ALOX5AP: variants seen among roughly 807,000 people sequenced by gnomAD.
ALOX5AP encodes the protein arachidonate 5-lipoxygenase-activating protein.
ALOX5AP carries 9 observed loss-of-function variants against 18.5 expected under a neutral mutation model. That is an observed-to-expected ratio of 0.49 (90% CI 0.29 to 0.85). The LOEUF (loss-of-function observed/expected upper bound fraction) is 0.85, where lower values mean the gene tolerates loss of function less well. Ranked by LOEUF, ALOX5AP falls within the 40% of genes least tolerant of loss-of-function variation. ALOX5AP has a pLI of 0.08. For synonymous variants in ALOX5AP, 81 were observed against 78.6 expected (o/e 1.03, Z -0.16); for missense variants, 172 against 202.5 (o/e 0.85, Z 0.91).
At chr13:30,716,133 G>C (rs893292439) in intron 1 of ALOX5AP, among the ~76,000 whole-genome samples, 5 of 152,178 alleles carry the variant, frequency 3.3e-5, no homozygotes, top group East Asian at 1.9e-4. Context: ...TGTCAGTCTT[G>C]TTTTTCTTAT....
chr13:30,736,891 GTA>G (rs1351417641), intron 1 of ALOX5AP, among the ~76,000 whole-genome samples: 1 of 152,240 alleles, frequency 6.6e-6, no homozygotes, highest in Admixed American at 6.5e-5. Context: ...CCTTGGCCCT[GTA>G]AATTGGCAAG....
At chr13:30,725,461 T>C (rs1285138464) in intron 1 of ALOX5AP, among the ~76,000 whole-genome samples, 1 of 152,216 alleles carries the variant, frequency 6.6e-6, no homozygotes, top group African/African-American at 2.4e-5. Context: ...CAGGGCTATG[T>C]ATGGACACAG....
intron 4 of ALOX5AP, among the ~76,000 whole-genome samples, chr13:30,756,314 C>A (rs574346713): frequency 4.6e-4 from 70 of 152,300 alleles, no homozygotes; most frequent in African/African-American, 1.7e-3. Flanking sequence ...TGCAGCCCCA[C>A]ACCCTGCACT....
upstream of ALOX5AP, among the ~76,000 whole-genome samples, chr13:30,733,573 T>C (rs543279935): frequency 6.6e-6 from 1 of 152,378 alleles, no homozygotes; most frequent in African/African-American, 2.4e-5. Context: ...TAGTTAATTT[T>C]ATGTCAAATT....
chr13:30,750,559 G>C (rs1951844390), intron 2 of ALOX5AP, among the ~76,000 whole-genome samples: 1 of 152,180 alleles, frequency 6.6e-6, no homozygotes, highest in South Asian at 2.1e-4. Context: ...CCACTCCCTA[G>C]CTGGATGACC....
intron 1 of ALOX5AP, 28 bp from the exon 2 acceptor site, chr13:30,744,032 A>G (rs780477456): frequency 1.1e-5 from 17 of 1,593,608 alleles, no homozygotes; most frequent in Non-Finnish European, 1.5e-5. Flanking sequence ...CCCACAATGA[A>G]CCAGATGCAA....
upstream of ALOX5AP, among the ~76,000 whole-genome samples, chr13:30,732,147 G>T (rs540193265): frequency 2.0e-5 from 3 of 152,226 alleles, no homozygotes; most frequent in Non-Finnish European, 4.4e-5. Context: ...GGCTGGGGGT[G>T]ACTCCAAGGA....
At chr13:30,737,549 C>T (rs1951731036) in intron 1 of ALOX5AP, among the ~76,000 whole-genome samples, 1 of 152,116 alleles carries the variant, frequency 6.6e-6, no homozygotes, top group African/African-American at 2.4e-5. Flanking sequence ...TTTTACAGAC[C>T]ACAGGGCACA....
chr13:30,713,686 T>A, exon 1 of ALOX5AP: 1 of 1,374,636 alleles, frequency 7.3e-7, no homozygotes, highest in East Asian at 2.5e-5. Context: ...TAGAACTGAC[T>A]TCACTGTGAA....
chr13:30,736,970 C>T (rs1951726954), intron 1 of ALOX5AP, among the ~76,000 whole-genome samples: 1 of 152,172 alleles, frequency 6.6e-6, no homozygotes, highest in Admixed American at 6.5e-5. Flanking sequence ...ATTCTGGGTA[C>T]AGGCGGATAG....
Position 30,752,133 on chromosome 13 carries a change from C to T in ALOX5AP, c.241+11C>T, listed in dbSNP as rs1951857149. 6.2e-7 allele frequency: 1 copy of T among 1,613,112 alleles called. No homozygotes were observed. Among genetic ancestry groups the T allele is most frequent in the Admixed American group, 1.7e-5 (1 of 60,006 alleles). On this transcript the variant is annotated intron_variant, in intron 3 of 4. Transcript: ENST00000380490. ...TACTTTGCAGCCAAGGTAACTCAGA[C>T]TTCCCTTTGTTCATTCTCCTTCTAT...
intron 1 of ALOX5AP, among the ~76,000 whole-genome samples, chr13:30,739,693 C>A (rs575802621): frequency 6.6e-6 from 1 of 152,328 alleles, no homozygotes; most frequent in African/African-American, 2.4e-5. Flanking sequence ...CCTCGACCTC[C>A]CAAAGTGCTG....
rs954004498 is a variant in ALOX5AP, at chr13:30,739,913, C to G, written c.71-4147C>G. The stretch of plus-strand genomic sequence containing the variant: ...TTCATTCATTCAAGCACTCCCTGCT[C>G]AAGAAGTTCTTTCTTATGTTGAGCT... On this transcript the variant is annotated intron_variant, in intron 1 of 4. Coordinates refer to ENST00000380490, the MANE Select transcript of ALOX5AP (RefSeq NM_001629.4). 2.6e-5 allele frequency among the ~76,000 whole-genome samples: 4 copies of G among 152,220 alleles called. No homozygotes were observed. In the South Asian group the frequency reaches 6.2e-4, roughly 24 times the overall value.
chr13:30,738,387 CA>C (rs1233703514), intron 1 of ALOX5AP, among the ~76,000 whole-genome samples: 1 of 152,206 alleles, frequency 6.6e-6, no homozygotes, highest in Non-Finnish European at 1.5e-5. Flanking sequence ...CCAGAACTAT[CA>C]AAACTTGGTT....
intron 1 of ALOX5AP, among the ~76,000 whole-genome samples, chr13:30,722,437 C>T (rs1951601502): frequency 6.6e-6 from 1 of 152,070 alleles, no homozygotes; most frequent in Non-Finnish European, 1.5e-5. Flanking sequence ...TGTTTATATG[C>T]AAAAGAACTT....
At chr13:30,738,913 G>A (rs573990676) in intron 1 of ALOX5AP, among the ~76,000 whole-genome samples, 1 of 151,990 alleles carries the variant, frequency 6.6e-6, no homozygotes, top group South Asian at 2.1e-4. Flanking sequence ...AAATGGAGCT[G>A]CTGTTACTAG....
Position 30,763,942 on chromosome 13 carries a change from AG to A in ALOX5AP, c.324-1del. On this transcript the variant is annotated splice_acceptor_variant, in intron 4 of 4. Transcript: ENST00000380490. LOFTEE classifies it high-confidence loss of function. The stretch of plus-strand genomic sequence containing the variant: ...ACAGTTTTCTTTTTCCTTCTCTTCC[AG>A]CACCCCTGGCTACATATTTGGGAAA... The A allele has an allele frequency of 6.2e-7, 1 of 1,610,814 alleles. No individual in the cohort carries two copies. Among genetic ancestry groups the A allele is most frequent in the Non-Finnish European group, 8.5e-7 (1 of 1,179,038 alleles).
chr13:30,732,920 C>T (rs369579058), upstream of ALOX5AP, among the ~76,000 whole-genome samples: 28 of 152,084 alleles, frequency 1.8e-4, no homozygotes, highest in African/African-American at 6.3e-4. Context: ...CTTTGGGAGG[C>T]CGAGGCGGGC....
chr13:30,719,497 C>T (rs897415138), intron 1 of ALOX5AP, among the ~76,000 whole-genome samples: 3 of 152,220 alleles, frequency 2.0e-5, no homozygotes, highest in African/African-American at 7.2e-5. Flanking sequence ...TCTTTCTCCT[C>T]ATTTCTCCTT....
Sources: gnomAD v4.1 joint callset for allele counts (sites outside exome capture counted in the v4.1 genomes callset) on GRCh38, gnomAD v4.1.1 for gene constraint, MANE v1.5 for transcripts, NCBI Gene and HGNC (gene_info 2026-07-23, HGNC 2026-07-21) for gene names.